The following DLG1 variants were observed in gnomAD, a reference collection of about 807,000 sequenced individuals.
DLG1 encodes the protein discs large MAGUK scaffold protein 1, also known as disks large homolog 1.
In DLG1, 42 loss-of-function variants were observed where a neutral mutation model predicts 123.4. That is an observed-to-expected ratio of 0.34 (90% CI 0.27 to 0.44). DLG1 has a LOEUF of 0.44. DLG1 is among the 20% of genes least tolerant of loss of function. DLG1 has a pLI of 1.00. For missense variants in DLG1, 942 were observed against 1,082.6 expected, an observed-to-expected ratio of 0.87 and a Z score of 1.82; for synonymous variants, 317 against 356.2, an observed-to-expected ratio of 0.89 and a Z score of 1.24.
intron 4 of DLG1, among the ~76,000 whole-genome samples, chr3:197,262,185 A>G (rs1286800361): frequency 1.3e-5 from 2 of 152,140 alleles, no homozygotes; most frequent in Non-Finnish European, 2.9e-5. Context: ...ACGGGATTAG[A>G]GGATTAGAGG....
At chr3:197,224,121 C>T (rs1738554492) in intron 4 of DLG1, among the ~76,000 whole-genome samples, 1 of 151,530 alleles carries the variant, frequency 6.6e-6, no homozygotes, top group South Asian at 2.1e-4. Flanking sequence ...CTTTAATTAC[C>T]AAGTTATGTG....
intron 5 of DLG1, 102 bp from the exon 6 acceptor site, chr3:197,149,898 A>C: frequency 1.4e-6 from 1 of 712,798 alleles, no homozygotes; most frequent in Non-Finnish European, 2.5e-6. Context: ...TTCTTAAGTT[A>C]TAATCTTATA....
intron 10 of DLG1, among the ~76,000 whole-genome samples, chr3:197,132,649 T>C (rs1451327855): frequency 7.6e-6 from 1 of 132,234 alleles, no homozygotes; most frequent in Admixed American, 7.8e-5. Flanking sequence ...ACACATTAAA[T>C]AGCTGTGGCA....
intron 14 of DLG1, among the ~76,000 whole-genome samples, chr3:197,092,961 A>G (rs954153674): frequency 6.6e-6 from 1 of 152,170 alleles, no homozygotes; most frequent in Admixed American, 6.5e-5. Context: ...CCACAGTCAA[A>G]TCTATAAAAC....
chr3:197,286,952 C>T (rs1772156746), intron 3 of DLG1, among the ~76,000 whole-genome samples: 2 of 151,542 alleles, frequency 1.3e-5, no homozygotes, highest in African/African-American at 2.4e-5. Flanking sequence ...AGTACAGTAG[C>T]GCCTTCACCT....
At chr3:197,270,383 G>A (rs1215656631) in intron 4 of DLG1, among the ~76,000 whole-genome samples, 2 of 151,990 alleles carry the variant, frequency 1.3e-5, no homozygotes, top group Non-Finnish European at 2.9e-5. Context: ...GAAAAAGGGG[G>A]AACTTAGCAA....
At chr3:197,196,531 C>T (rs149585229) in intron 4 of DLG1, among the ~76,000 whole-genome samples, 5 of 152,216 alleles carry the variant, frequency 3.3e-5, no homozygotes, top group African/African-American at 1.2e-4. Flanking sequence ...AAATGTGGTG[C>T]CATCTTTTGA....
At chr3:197,080,454 C>CTT (rs35708797) in intron 17 of DLG1, 1,903 of 97,474 alleles carry the variant, frequency 0.02, 37 homozygotes, top group East Asian at 0.093. Flanking sequence ...AATTTTTTAC[C>CTT]TTTTTTTTTT....
intron 7 of DLG1, 42 bp from the exon 8 acceptor site, chr3:197,140,306 T>A: frequency 6.2e-7 from 1 of 1,601,572 alleles, no homozygotes; most frequent in Non-Finnish European, 8.5e-7. Context: ...ATATGATTTA[T>A]CTTTATGGAC....
chr3:197,282,641 C>A, intron 4 of DLG1, 38 bp downstream of exon 4: 2 of 1,378,958 alleles, frequency 1.5e-6, no homozygotes, highest in South Asian at 3.9e-5. Context: ...ATAAATTGAT[C>A]ACCAAAAAAC....
intron 4 of DLG1, among the ~76,000 whole-genome samples, chr3:197,242,306 C>T (rs1439408148): frequency 6.6e-6 from 1 of 151,940 alleles, no homozygotes; most frequent in Non-Finnish European, 1.5e-5. Flanking sequence ...AAAATTAATA[C>T]ATCCAAGGGG....
intron 14 of DLG1, among the ~76,000 whole-genome samples, chr3:197,092,434 C>T (rs1439424060): frequency 1.3e-5 from 2 of 152,152 alleles, no homozygotes; most frequent in African/African-American, 4.8e-5. Flanking sequence ...TTACTGTAAA[C>T]AGTTAACTAT....
chr3:197,144,404 CAACT>C, intron 6 of DLG1, among the ~76,000 whole-genome samples: 1 of 152,304 alleles, frequency 6.6e-6, no homozygotes, highest in Non-Finnish European at 1.5e-5. Context: ...TCAGCACCAC[CAACT>C]ATCAGCCACG....
intron 15 of DLG1, among the ~76,000 whole-genome samples, chr3:197,090,000 T>C (rs1468226302): frequency 2.0e-5 from 3 of 152,134 alleles, no homozygotes; most frequent in Admixed American, 2.0e-4. Flanking sequence ...GTGAAGACAG[T>C]AAGTCATATC....
At chr3:197,258,984 C>G (rs1758127051) in intron 4 of DLG1, among the ~76,000 whole-genome samples, 1 of 151,322 alleles carries the variant, frequency 6.6e-6, no homozygotes, top group Non-Finnish European at 1.5e-5. Flanking sequence ...CAAAATAGAC[C>G]CTCTTTTGCT....
At chr3:197,280,643 A>C (rs746046275) in intron 4 of DLG1, among the ~76,000 whole-genome samples, 7 of 152,214 alleles carry the variant, frequency 4.6e-5, no homozygotes, top group Non-Finnish European at 7.3e-5. Flanking sequence ...TACATTACTT[A>C]AACAATCGCC....
chr3:197,098,696 GT>G (rs1049659872), intron 14 of DLG1, among the ~76,000 whole-genome samples: 4 of 152,086 alleles, frequency 2.6e-5, no homozygotes, highest in Non-Finnish European at 5.9e-5. Flanking sequence ...CACCATGCCT[GT>G]TTAATTTTTA....
intron 11 of DLG1, among the ~76,000 whole-genome samples, chr3:197,122,041 A>G (rs894289549): frequency 1.3e-5 from 2 of 152,028 alleles, no homozygotes; most frequent in African/African-American, 2.4e-5. Flanking sequence ...AGACAGAAAA[A>G]TTTCAGGACA....
chr3:197,065,138 T>A, intron 22 of DLG1, 138 bp downstream of exon 22: 1 of 742,306 alleles, frequency 1.3e-6, no homozygotes, highest in Non-Finnish European at 2.0e-6. Context: ...TCCTAAGCCA[T>A]GGAAAATTAA....
Sources: gnomAD v4.1 joint callset for allele counts (sites outside exome capture counted in the v4.1 genomes callset) on GRCh38, gnomAD v4.1.1 for gene constraint, MANE v1.5 for transcripts, NCBI Gene and HGNC (gene_info 2026-07-23, HGNC 2026-07-21) for gene names.